The following EPHA6 variants were observed in gnomAD, a reference collection of about 807,000 sequenced individuals.
EPHA6 encodes the protein EPH receptor A6.
EPHA6 carries 50 observed loss-of-function variants against 112.0 expected under a neutral mutation model. The observed-to-expected ratio is 0.45, with a 90% CI of 0.36 to 0.56. EPHA6 has a LOEUF of 0.56. Ranked by LOEUF, EPHA6 falls within the 20% of genes least tolerant of loss-of-function variation. EPHA6 has a pLI of 0.00. For missense variants in EPHA6, 1,280 were observed against 1,417.4 expected, an observed-to-expected ratio of 0.90 and a Z score of 1.56; for synonymous variants, 529 against 490.7, an observed-to-expected ratio of 1.08 and a Z score of -1.03.
intron 5 of EPHA6, among the ~76,000 whole-genome samples, chr3:97,357,136 T>A (rs2084121207): frequency 6.6e-6 from 1 of 152,216 alleles, no homozygotes; most frequent in Admixed American, 6.5e-5. Flanking sequence ...AATATCTTTT[T>A]CCATCTTTCC....
At chr3:97,448,099 TA>T (rs2090410656) in intron 6 of EPHA6, among the ~76,000 whole-genome samples, 1 of 152,078 alleles carries the variant, frequency 6.6e-6, no homozygotes, top group Admixed American at 6.6e-5. Context: ...AAAAAGCAAT[TA>T]ATTTATTTCT....
At chr3:97,648,471 C>T in intron 14 of EPHA6, 7 of 1,298,086 alleles carry the variant, frequency 5.4e-6, no homozygotes, top group Non-Finnish European at 6.8e-6. Flanking sequence ...TTCTCCTTCA[C>T]CTAATTTAGG....
chr3:97,214,774 A>G (rs1218211328), intron 3 of EPHA6, among the ~76,000 whole-genome samples: 1 of 152,166 alleles, frequency 6.6e-6, no homozygotes, highest in Admixed American at 6.5e-5. Context: ...GAATTTGAGA[A>G]TTTCACTGGA....
chr3:97,156,506 ATTG>A (rs896337421), intron 3 of EPHA6, among the ~76,000 whole-genome samples: 3 of 152,274 alleles, frequency 2.0e-5, no homozygotes, highest in African/African-American at 7.2e-5. Context: ...TGGTCAGTAG[ATTG>A]TTTAGTGCAG....
rs2047358854 is a variant in EPHA6 at position 97,100,106 on chromosome 3, A to T, written c.1114+112113A>T. On this transcript the variant is annotated intron_variant, in intron 3 of 17. Transcript: ENST00000389672. ...GCCAAAGCAACTCTACTATGAATGC[A>T]GGAGGAACTAGCAAAACAAAGTTAA... Among the ~76,000 whole-genome samples the T allele has an allele frequency of 5.3e-5, 8 of 152,032 alleles. No homozygotes were observed. In the South Asian group the frequency reaches 1.5e-3, roughly 28 times the overall value.
intron 14 of EPHA6, among the ~76,000 whole-genome samples, chr3:97,684,876 A>C (rs1018239431): frequency 2.0e-5 from 3 of 152,222 alleles, no homozygotes; most frequent in African/African-American, 7.2e-5. Context: ...CTCTCCTGTG[A>C]AAAATATTTT....
intron 14 of EPHA6, among the ~76,000 whole-genome samples, chr3:97,713,391 CA>C (rs2034066910): frequency 6.6e-6 from 1 of 152,008 alleles, no homozygotes; most frequent in South Asian, 2.1e-4. Context: ...ATGAAAACCT[CA>C]AACAAGGGAG....
intron 9 of EPHA6, among the ~76,000 whole-genome samples, chr3:97,483,013 G>A (rs1699238820): frequency 6.6e-6 from 1 of 152,190 alleles, no homozygotes. Context: ...AGCTACTCAG[G>A]AGGCCGAGGC....
intron 1 of EPHA6, among the ~76,000 whole-genome samples, chr3:96,827,670 T>C (rs910242154): frequency 6.6e-6 from 1 of 152,130 alleles, no homozygotes; most frequent in Admixed American, 6.6e-5. Context: ...AATAATTATA[T>C]CCAAGGATTT....
Position 96,936,425 on chromosome 3 carries a change from T to A in EPHA6, c.451-50905T>A, listed in dbSNP as rs1322849250. On this transcript the variant is annotated intron_variant, in intron 2 of 17. Transcript: ENST00000389672. ...AAATCAAGCTGTTATGAATCCATTA[T>A]AATGATAGAGTATGAAGTTAAATTA... Among the ~76,000 whole-genome samples the A allele has an allele frequency of 2.0e-5, 3 of 152,024 alleles. No homozygotes were observed. In the East Asian group the frequency reaches 5.8e-4, roughly 29 times the overall value.
intron 13 of EPHA6, among the ~76,000 whole-genome samples, chr3:97,624,626 G>C (rs1420796916): frequency 6.6e-6 from 1 of 151,470 alleles, no homozygotes; most frequent in Non-Finnish European, 1.5e-5. Flanking sequence ...GAGGATTTGT[G>C]TTCATTCTTT....
intron 3 of EPHA6, among the ~76,000 whole-genome samples, chr3:97,085,975 C>G (rs1435244187): frequency 1.6e-5 from 2 of 128,878 alleles, no homozygotes; most frequent in Non-Finnish European, 3.1e-5. Context: ...TCTCTTGTCA[C>G]TCAGGCTGGA....
chr3:97,111,714 A>G (rs2047729295), intron 3 of EPHA6, among the ~76,000 whole-genome samples: 1 of 152,068 alleles, frequency 6.6e-6, no homozygotes, highest in South Asian at 2.1e-4. Context: ...CCTCCATTCA[A>G]GCAATGTACA....
chr3:97,340,202 G>T (rs1285558507), intron 5 of EPHA6, among the ~76,000 whole-genome samples: 2 of 152,098 alleles, frequency 1.3e-5, no homozygotes, highest in African/African-American at 4.8e-5. Flanking sequence ...ATATTTTTCA[G>T]GCAGTTCTTG....
chr3:96,829,938 T>C (rs966806100), intron 1 of EPHA6, among the ~76,000 whole-genome samples: 1,238 of 120,268 alleles, frequency 0.01, 26 homozygotes, highest in African/African-American at 0.034. Context: ...CACGTGCATG[T>C]GCGCGCGCGC....
At chr3:97,032,735 A>G (rs755080842) in intron 3 of EPHA6, among the ~76,000 whole-genome samples, 5 of 152,116 alleles carry the variant, frequency 3.3e-5, no homozygotes, top group Non-Finnish European at 7.4e-5. Flanking sequence ...TTTACACACT[A>G]TGAGGTACTG....
intron 3 of EPHA6, among the ~76,000 whole-genome samples, chr3:97,018,772 A>T (rs1559672749): frequency 6.6e-6 from 1 of 152,202 alleles, no homozygotes; most frequent in East Asian, 1.9e-4. Context: ...CCTCCACAAG[A>T]GGTGAAGGAG....
intron 3 of EPHA6, among the ~76,000 whole-genome samples, chr3:97,111,365 C>T (rs2047719331): frequency 6.6e-6 from 1 of 151,754 alleles, no homozygotes; most frequent in African/African-American, 2.4e-5. Context: ...TTGACATGTA[C>T]CTGGTTAAGT....
intron 6 of EPHA6, among the ~76,000 whole-genome samples, chr3:97,426,952 T>C (rs1008035768): frequency 2.0e-5 from 3 of 152,202 alleles, no homozygotes; most frequent in African/African-American, 7.2e-5. Flanking sequence ...TCATCATCAC[T>C]AATCTTTGGG....
Sources: gnomAD v4.1 joint callset for allele counts (sites outside exome capture counted in the v4.1 genomes callset) on GRCh38, gnomAD v4.1.1 for gene constraint, MANE v1.5 for transcripts, NCBI Gene and HGNC (gene_info 2026-07-23, HGNC 2026-07-21) for gene names.